The following MAP4 variants were observed in gnomAD, a reference collection of about 807,000 sequenced individuals.
MAP4 encodes the protein microtubule associated protein 4.
In MAP4, 76 loss-of-function variants were observed where a neutral mutation model predicts 170.2. That is an observed-to-expected ratio of 0.45 (90% CI 0.37 to 0.54). The LOEUF is 0.54. MAP4 is among the 20% of genes least tolerant of loss of function. The probability of loss-of-function intolerance (pLI) is 0.00; values close to 1 mark genes in which losing one functional copy is unlikely to be tolerated. For missense variants in MAP4, 2,506 were observed against 2,748.0 expected (o/e 0.91, Z 1.97); for synonymous variants, 909 against 994.5 (o/e 0.91, Z 1.62).
intron 1 of MAP4, among the ~76,000 whole-genome samples, chr3:48,022,773 C>T (rs535226438): frequency 6.8e-4 from 103 of 152,258 alleles, no homozygotes; most frequent in Non-Finnish European, 1.3e-3. Flanking sequence ...CGCCTATAGT[C>T]CCAGCTACTC....
chr3:47,911,200 T>A lies in MAP4; in HGVS notation c.3221A>T (p.Asp1074Val). The A allele has an allele frequency of 6.5e-7, 1 of 1,536,140 alleles. No individual in the cohort carries two copies. Among genetic ancestry groups the A allele is most frequent in the Non-Finnish European group, 8.7e-7 (1 of 1,146,908 alleles). Residue 1074 changes from aspartate to valine, a missense_variant, in exon 9 of 21, where the codon GAT becomes GTT. Around this residue, in one of 3 missense-constraint regions of MAP4, gnomAD observed 2,008 missense variants for 2,206.0 expected, o/e 0.91. Transcript: ENST00000683076. The surrounding 1 kb of genome is among the most constrained non-coding windows in gnomAD (Gnocchi z 4.0). ...GRGSSGKMRT[D>V]SGKVKAKSEL... ...AGATTTTGCTTTTACCTTCCCAGAA[T>A]CTGTTCTCATTTTCCCAGAACTTCC...
chr3:47,981,599 A>G (rs936262065), intron 2 of MAP4, among the ~76,000 whole-genome samples: 5 of 151,772 alleles, frequency 3.3e-5, no homozygotes, highest in Non-Finnish European at 5.9e-5. Context: ...GTGAAACCCC[A>G]TATCTACTAA....
chr3:47,866,216 A>G (rs1425250695), intron 17 of MAP4, among the ~76,000 whole-genome samples: 1 of 151,886 alleles, frequency 6.6e-6, no homozygotes, highest in Non-Finnish European at 1.5e-5. Flanking sequence ...GCATGCCTGT[A>G]GCCCCAGCTA....
chr3:47,915,465 G>T (rs2153583236), intron 7 of MAP4, among the ~76,000 whole-genome samples: 1 of 152,226 alleles, frequency 6.6e-6, no homozygotes, highest in South Asian at 2.1e-4. Flanking sequence ...TGTTAAATGG[G>T]TGGGAATGAT....
At chr3:48,003,926 TGCTG>T (rs1413846973) in intron 1 of MAP4, among the ~76,000 whole-genome samples, 1 of 152,154 alleles carries the variant, frequency 6.6e-6, no homozygotes, top group Admixed American at 6.6e-5. Context: ...CTTTCTCCTG[TGCTG>T]GATACTTTCT....
intron 1 of MAP4, among the ~76,000 whole-genome samples, chr3:48,040,503 T>C (rs1194571769): frequency 1.3e-5 from 2 of 152,152 alleles, no homozygotes; most frequent in Non-Finnish European, 2.9e-5. Context: ...TCTCCTGACC[T>C]TGTGATCCGC....
At position 47,910,845 on chromosome 3, in the gene MAP4, TC is replaced by T; in HGVS notation, c.3575del (p.Gly1192GlufsTer69). The T allele has an allele frequency of 3.3e-6, 5 of 1,536,152 alleles. No homozygotes were observed. Among genetic ancestry groups the T allele is most frequent in the Non-Finnish European group, 4.4e-6 (5 of 1,146,904 alleles). ...CCTCATGATCCTTCCATGGACACCTTCCTTCCTTGCTCTGGTTATTGACACC... is the reference window on the plus strand; with the variant it reads ...CCTCATGATCCTTCCATGGACACCTTCTTCCTTGCTCTGGTTATTGACACC... ...DMGVNNQSKE[G>X]RCPWKDHEAA... On this transcript the variant is annotated frameshift_variant, in exon 9 of 21. Coordinates refer to ENST00000683076, the MANE Select transcript of MAP4 (RefSeq NM_001385682.1). LOFTEE classifies it high-confidence loss of function.
intron 1 of MAP4, among the ~76,000 whole-genome samples, chr3:47,999,241 A>G (rs1579066983): frequency 1.3e-5 from 2 of 152,360 alleles, no homozygotes; most frequent in East Asian, 1.9e-4. Flanking sequence ...AGGTCTTTAC[A>G]TAGTTACATT....
In MAP4 at chr3:47,977,847, A is replaced by G; in HGVS notation, c.292+18T>C. The G allele has an allele frequency of 6.3e-7, 1 of 1,582,442 alleles. No homozygotes were observed. On this transcript the variant is annotated intron_variant, in intron 3 of 20. Transcript: ENST00000683076. ...AGTGCATCACCTACACATTTGGGGA[A>G]TCCTGGGAATCACTTACCTGTAGTA...
intron 1 of MAP4, among the ~76,000 whole-genome samples, chr3:48,062,494 T>TAAAAAAAAAAAAAA (rs1156947592): frequency 1.2e-5 from 1 of 81,530 alleles, no homozygotes; most frequent in Non-Finnish European, 2.2e-5. Context: ...GAATGATCAA[T>TAAAAAAAAAAAAAA]AAAAAAAAAA....
chr3:47,889,160 T>C (rs541278090), intron 10 of MAP4, among the ~76,000 whole-genome samples: 1 of 152,334 alleles, frequency 6.6e-6, no homozygotes, highest in East Asian at 1.9e-4. Flanking sequence ...ATGGAGTACA[T>C]GTGCAGGGAG....
At chr3:48,025,351 C>G (rs566513096) in intron 1 of MAP4, among the ~76,000 whole-genome samples, 1 of 147,304 alleles carries the variant, frequency 6.8e-6, no homozygotes, top group East Asian at 2.0e-4. Flanking sequence ...TGCAATGGTG[C>G]GATCTCGGCT....
At chr3:48,076,831 T>C (rs1021618910) in intron 1 of MAP4, among the ~76,000 whole-genome samples, 4 of 152,152 alleles carry the variant, frequency 2.6e-5, no homozygotes, top group African/African-American at 4.8e-5. Flanking sequence ...CTGGACTTCA[T>C]CAAAATTTAA....
At chr3:48,003,398 G>A (rs1487089741) in intron 1 of MAP4, among the ~76,000 whole-genome samples, 9 of 147,744 alleles carry the variant, frequency 6.1e-5, no homozygotes, top group African/African-American at 2.0e-4. Flanking sequence ...AGGTTGCAGT[G>A]AGCAGAGATC....
At chr3:47,869,425 A>G in intron 15 of MAP4, 98 bp from the exon 16 acceptor site, 1 of 777,798 alleles carries the variant, frequency 1.3e-6, no homozygotes, top group Non-Finnish European at 2.2e-6. Context: ...AATCCAGGTC[A>G]GGCCACCAGG....
At chr3:48,017,295 G>A (rs2100108265), upstream of MAP4, among the ~76,000 whole-genome samples, 1 of 152,060 alleles carries the variant, frequency 6.6e-6, no homozygotes, top group Non-Finnish European at 1.5e-5. Context: ...CTAACACAAT[G>A]ACTTCGCTGT....
chr3:47,858,060 G>A (rs1340459798), intron 17 of MAP4, among the ~76,000 whole-genome samples: 1 of 123,908 alleles, frequency 8.1e-6, no homozygotes, highest in South Asian at 2.6e-4. Flanking sequence ...TTTCACTCTT[G>A]TTGCCCAGGC....
intron 8 of MAP4, among the ~76,000 whole-genome samples, chr3:47,913,772 G>A (rs1036424580): frequency 6.6e-6 from 1 of 152,158 alleles, no homozygotes; most frequent in African/African-American, 2.4e-5. Flanking sequence ...GATTCTAAGT[G>A]AAATAAGTCA....
In MAP4 at chr3:47,909,686, C is replaced by T; in HGVS notation, c.4735G>A (p.Val1579Met). ...ELAKGHLLPG[V>M]PVEDQSLPGE... ...GGTAGGCTCTGGTCTTCTACTGGCA[C>T]TCCAGGAAGGAGGTGACCTTTTGCT... Residue 1579 changes from valine to methionine, a missense_variant, in exon 9 of 21, where the codon GTG becomes ATG. By Grantham distance (21) the Val-to-Met change is conservative (BLOSUM62 1). Around this residue, in one of 3 missense-constraint regions of MAP4, gnomAD observed 2,008 missense variants for 2,206.0 expected, o/e 0.91. Transcript: ENST00000683076. 1 of 1,613,980 alleles carries T rather than the reference C, an allele frequency of 6.2e-7. No homozygotes were observed. The highest frequency in any genetic ancestry group is 8.5e-7 in the Non-Finnish European group (1 of 1,179,882).
Sources: allele counts gnomAD v4.1 joint callset (sites outside exome capture counted in the v4.1 genomes callset), GRCh38; gene constraint gnomAD v4.1.1; regional missense constraint gnomAD v4.1.1; non-coding constraint Gnocchi (gnomAD v3.1); transcripts MANE v1.5; gene names NCBI Gene and HGNC (gene_info 2026-07-23, HGNC 2026-07-21).